MYO18B: variants seen among roughly 807,000 people sequenced by gnomAD.
MYO18B encodes myosin XVIIIB.
A neutral mutation model predicts 273.0 loss-of-function variants in MYO18B; 204 were observed. The observed-to-expected ratio is 0.75, with a 90% CI of 0.67 to 0.84. MYO18B has a LOEUF of 0.84. Ranked by LOEUF, MYO18B falls within the 40% of genes least tolerant of loss-of-function variation. The probability of loss-of-function intolerance (pLI) is 0.00; values close to 1 mark genes in which losing one functional copy is unlikely to be tolerated. For synonymous variants in MYO18B, 1,330 were observed against 1,305.7 expected, an observed-to-expected ratio of 1.02 and a Z score of -0.40; for missense variants, 3,212 against 3,287.6, an observed-to-expected ratio of 0.98 and a Z score of 0.56.
intron 39 of MYO18B, among the ~76,000 whole-genome samples, chr22:25,991,182 C>T (rs1261585201): frequency 6.6e-6 from 1 of 152,216 alleles, no homozygotes; most frequent in Non-Finnish European, 1.5e-5. Context: ...CCCAGCCTCT[C>T]CTTGTCATCA....
At chr22:25,757,884 T>G (rs772628369) in intron 1 of MYO18B, among the ~76,000 whole-genome samples, 5 of 152,210 alleles carry the variant, frequency 3.3e-5, no homozygotes, top group Non-Finnish European at 5.9e-5. Flanking sequence ...CTTTACAAGC[T>G]GAGACAAGCA....
intron 1 of MYO18B, among the ~76,000 whole-genome samples, chr22:25,746,218 A>G (rs568441364): frequency 1.3e-5 from 2 of 152,334 alleles, no homozygotes; most frequent in South Asian, 4.1e-4. Flanking sequence ...AGTTTTATAG[A>G]AGAGGAAACT....
At chr22:25,828,687 T>C (rs934278337) in intron 14 of MYO18B, 89 bp from the exon 15 acceptor site, 4 of 1,359,830 alleles carry the variant, frequency 2.9e-6, no homozygotes, top group Admixed American at 3.9e-5. Flanking sequence ...TGAGCTTGGT[T>C]TTGAAACCAG....
intron 7 of MYO18B, among the ~76,000 whole-genome samples, chr22:25,775,415 G>A (rs1334539468): frequency 6.6e-6 from 1 of 152,206 alleles, no homozygotes; most frequent in Admixed American, 6.5e-5. Flanking sequence ...AAAGGACTGC[G>A]CTAGGGAGGG....
chr22:25,751,291 T>TG (rs2085923969), intron 1 of MYO18B, among the ~76,000 whole-genome samples: 1 of 152,360 alleles, frequency 6.6e-6, no homozygotes, highest in Non-Finnish European at 1.5e-5. Flanking sequence ...TCCTCCTGTG[T>TG]GACCTTGATC....
At chr22:25,742,642 A>C (rs2085661051) in intron 1 of MYO18B, among the ~76,000 whole-genome samples, 1 of 152,200 alleles carries the variant, frequency 6.6e-6, no homozygotes, top group South Asian at 2.1e-4. Flanking sequence ...CGCAGACGTC[A>C]GGGTTTATAT....
intron 42 of MYO18B, among the ~76,000 whole-genome samples, chr22:26,022,551 A>G (rs1012025490): frequency 1.3e-5 from 2 of 152,144 alleles, no homozygotes; most frequent in African/African-American, 4.8e-5. Flanking sequence ...TCTGCATGGG[A>G]AAGCCAGGAA....
intron 22 of MYO18B, among the ~76,000 whole-genome samples, chr22:25,869,300 A>C (rs1342038203): frequency 2.0e-5 from 3 of 152,066 alleles, no homozygotes; most frequent in Non-Finnish European, 1.5e-5. Context: ...AAATTTAAAA[A>C]TTATCTGGGC....
intron 39 of MYO18B, among the ~76,000 whole-genome samples, chr22:25,985,305 G>A (rs1385456845): frequency 6.6e-6 from 1 of 152,132 alleles, no homozygotes; most frequent in Non-Finnish European, 1.5e-5. Context: ...CGGTTGCAGT[G>A]AGCTGAGATC....
rs139419629 is a variant in MYO18B, at chr22:25,760,495, GAA to G, written c.-109-488_-109-487del. 9.8e-3 allele frequency among the ~76,000 whole-genome samples: 1,482 copies of G among 151,216 alleles called. 27 individuals carry two copies. Among genetic ancestry groups the G allele is most frequent in the African/African-American group, 0.033 (1,375 of 41,166 alleles). On this transcript the variant is annotated intron_variant, in intron 1 of 43. Coordinates refer to ENST00000335473, the MANE Select transcript of MYO18B (RefSeq NM_032608.7). ...ATATTGACCAGAAGGGAGCATGAGG[GAA>G]GTTCTAGGTCTCTGTTTACTTTTTG...
chr22:25,969,949 T>C (rs1226342192), intron 39 of MYO18B, among the ~76,000 whole-genome samples: 1 of 152,028 alleles, frequency 6.6e-6, no homozygotes, highest in Non-Finnish European at 1.5e-5. Context: ...TCATCATCAT[T>C]ATCATCATCA....
chr22:25,899,836 TTTAACAGG>T (rs1241022553), intron 29 of MYO18B: 1 of 33,150 alleles, frequency 3.0e-5, no homozygotes, highest in African/African-American at 1.3e-4. Context: ...GAAGTCTCAG[TTTAACAGG>T]TCATCTGATC....
At chr22:25,898,532 A>T (rs1333121652) in intron 29 of MYO18B, 71 bp downstream of exon 29, 6 of 1,547,454 alleles carry the variant, frequency 3.9e-6, no homozygotes, top group South Asian at 2.4e-5. Context: ...TTTCTGGGGT[A>T]TCCAGGTTCT....
At chr22:25,944,988 T>A (rs1224140766) in intron 34 of MYO18B, among the ~76,000 whole-genome samples, 2 of 152,058 alleles carry the variant, frequency 1.3e-5, no homozygotes, top group African/African-American at 2.4e-5. Context: ...AGTAATTGGA[T>A]GAATCTTGAT....
intron 33 of MYO18B, among the ~76,000 whole-genome samples, chr22:25,917,545 G>GGTGT (rs3070569): frequency 0.34 from 48,840 of 141,896 alleles, 8,656 homozygotes; most frequent in Non-Finnish European, 0.38. Context: ...GCTTTGTAGG[G>GGTGT]GTGTGTGTGT....
intron 19 of MYO18B, among the ~76,000 whole-genome samples, chr22:25,846,795 A>G (rs1443028231): frequency 1.3e-5 from 2 of 152,194 alleles, no homozygotes; most frequent in Non-Finnish European, 2.9e-5. Flanking sequence ...AATAAACCTT[A>G]TAGTGGCCGG....
chr22:25,919,721 G>A (rs2092315079), intron 33 of MYO18B, among the ~76,000 whole-genome samples: 1 of 150,894 alleles, frequency 6.6e-6, no homozygotes, highest in African/African-American at 2.5e-5. Context: ...TAATAGAACA[G>A]CATTTTGAAC....
the MYO18B span, among the ~76,000 whole-genome samples, chr22:26,043,511 CTT>C: frequency 2.6e-3 from 324 of 122,962 alleles, no homozygotes; most frequent in African/African-American, 9.2e-3. Context: ...TTTTTTCTTT[CTT>C]TTTTTTTTTT....
intron 21 of MYO18B, among the ~76,000 whole-genome samples, chr22:25,865,647 C>T (rs997925036): frequency 3.9e-5 from 6 of 152,064 alleles, no homozygotes; most frequent in Admixed American, 6.6e-5. Context: ...GTCTGAGGCT[C>T]GGAGTAAAGC....
Sources: gnomAD v4.1 joint callset for allele counts (sites outside exome capture counted in the v4.1 genomes callset) on GRCh38, gnomAD v4.1.1 for gene constraint, MANE v1.5 for transcripts, NCBI Gene and HGNC (gene_info 2026-07-23, HGNC 2026-07-21) for gene names.